The following TDP1 variants were observed in gnomAD, a reference collection of about 807,000 sequenced individuals.
The protein encoded by TDP1 is tyr-DNA phosphodiesterase 1.
In TDP1, 64 loss-of-function variants were observed where a neutral mutation model predicts 81.5. That is an observed-to-expected ratio of 0.79 (90% CI 0.64 to 0.97). TDP1 has a LOEUF of 0.97. Among genes scored for constraint, TDP1 ranks in the 50% least tolerant of loss-of-function variants. The pLI is 0.00. For synonymous variants in TDP1, 256 were observed against 264.3 expected (o/e 0.97, Z 0.30); for missense variants, 723 against 743.8 (o/e 0.97, Z 0.33).
chr14:90,043,420 CTG>C lies in TDP1; in HGVS notation c.*278_*279del. 1.9e-6 allele frequency: 1 copy of C among 529,666 alleles called. No homozygotes were observed. The highest frequency in any genetic ancestry group is 3.4e-6 in the Non-Finnish European group (1 of 295,394). The allele number at this position is 529,666 out of a possible 1,614,324, so 32.8% of individuals were successfully genotyped here. ...TACGTACTGCTTGAGTATCCCCTGT[CTG>C]AAATGCTTGGGACCAGAAGTGTTTC... On this transcript the variant is annotated 3_prime_UTR_variant, in exon 17 of 17. Coordinates refer to ENST00000335725, the MANE Select transcript of TDP1 (RefSeq NM_018319.4).
intron 15 of TDP1, among the ~76,000 whole-genome samples, chr14:90,026,808 C>A (rs1184790228): frequency 2.6e-5 from 4 of 152,206 alleles, no homozygotes; most frequent in Non-Finnish European, 5.9e-5. Flanking sequence ...TTTATGGCTG[C>A]ATAGTATTCC....
At chr14:90,003,098 C>T (rs1277286358) in intron 14 of TDP1, among the ~76,000 whole-genome samples, 2 of 152,028 alleles carry the variant, frequency 1.3e-5, no homozygotes, top group Non-Finnish European at 2.9e-5. Flanking sequence ...CCACCATGCC[C>T]AGCTAATTTT....
At position 89,984,516 on chromosome 14, in the gene TDP1, A is replaced by G; in HGVS notation, c.885A>G (p.Gly295=). The G allele has an allele frequency of 6.2e-7, 1 of 1,614,052 alleles. No homozygotes were observed. The highest frequency in any genetic ancestry group is 8.5e-7 in the Non-Finnish European group (1 of 1,180,008). ...TTAAAGGTTATTTTTTTAATTCCAG[A>G]ATATGGTTGAGCCCCTTATACCCAC... ...IHADWHQKTQ[G]IWLSPLYPRI... Residue 295 remains glycine, a splice_region_variant and synonymous_variant, in exon 9 of 17, where the codon GGA becomes GGG. Coordinates refer to ENST00000335725, the MANE Select transcript of TDP1 (RefSeq NM_018319.4).
chr14:90,020,906 C>G (rs1346085743), intron 15 of TDP1, among the ~76,000 whole-genome samples: 5 of 150,632 alleles, frequency 3.3e-5, no homozygotes, highest in Non-Finnish European at 7.4e-5. Context: ...AGTGATTTTC[C>G]TGCATCAGCC....
At chr14:90,019,272 G>A (rs751350560) in intron 14 of TDP1, 44 bp from the exon 15 acceptor site, 4 of 1,399,908 alleles carry the variant, frequency 2.9e-6, no homozygotes, top group Non-Finnish European at 4.1e-6. Context: ...CCCACACTGA[G>A]ATGCCTCCCT....
At chr14:89,964,875 A>G (rs1157005157) in intron 3 of TDP1, 2 of 447,118 alleles carry the variant, frequency 4.5e-6, no homozygotes, top group African/African-American at 4.0e-5. Context: ...TAGATGTTAC[A>G]ATCGTATTCC....
chr14:89,981,731 G>A (rs1894996682), intron 8 of TDP1, among the ~76,000 whole-genome samples: 1 of 151,996 alleles, frequency 6.6e-6, no homozygotes, highest in Non-Finnish European at 1.5e-5. Context: ...TGTCACCCAG[G>A]TTACAATGCT....
intron 15 of TDP1, among the ~76,000 whole-genome samples, chr14:90,022,287 TGGAA>T (rs1428581263): frequency 6.6e-6 from 1 of 152,182 alleles, no homozygotes; most frequent in Non-Finnish European, 1.5e-5. Context: ...AGCCCACAGA[TGGAA>T]GGAGTTTACT....
intron 16 of TDP1, chr14:90,033,462 C>A: frequency 1.9e-6 from 1 of 537,316 alleles, no homozygotes; most frequent in South Asian, 1.8e-5. Flanking sequence ...GCTGATAAAC[C>A]CCTCATGAAT....
intron 12 of TDP1, among the ~76,000 whole-genome samples, chr14:89,990,957 G>A (rs1001829682): frequency 6.6e-6 from 1 of 152,094 alleles, no homozygotes; most frequent in African/African-American, 2.4e-5. Context: ...TATTCTCTTT[G>A]CAAGAATAAG....
chr14:90,041,707 C>G (rs1339173080), intron 16 of TDP1, among the ~76,000 whole-genome samples: 2 of 152,218 alleles, frequency 1.3e-5, no homozygotes, highest in African/African-American at 4.8e-5. Flanking sequence ...TGAAGTTTCT[C>G]TAACACTTAC....
chr14:89,967,158 C>T, intron 4 of TDP1: 1 of 974,936 alleles, frequency 1.0e-6, no homozygotes, highest in Non-Finnish European at 1.2e-6. Flanking sequence ...ATCTCATGTA[C>T]TTGGCTCCAT....
chr14:89,963,187 C>A lies in TDP1; in HGVS notation c.73C>A (p.Pro25Thr), dbSNP rs1355409698. Residue 25 changes from proline to threonine, a missense_variant, in exon 3 of 17, where the codon CCA becomes ACA. Coordinates refer to ENST00000335725, the MANE Select transcript of TDP1 (RefSeq NM_018319.4). ...SDESEEEKPK[P>T]DKPSTSSLLC... ...TGAAAGTGAGGAAGAAAAGCCAAAACCAGACAAGCCATCTACCTCTTCTCT... is the reference window on the plus strand; with the variant it reads ...TGAAAGTGAGGAAGAAAAGCCAAAAACAGACAAGCCATCTACCTCTTCTCT... 6 of 1,614,110 alleles carry A rather than the reference C, an allele frequency of 3.7e-6. No individual in the cohort carries two copies. Among genetic ancestry groups the A allele is most frequent in the Non-Finnish European group, 5.1e-6 (6 of 1,180,020 alleles).
chr14:90,024,170 T>G (rs1199607347), intron 15 of TDP1, among the ~76,000 whole-genome samples: 2 of 152,160 alleles, frequency 1.3e-5, no homozygotes, highest in Non-Finnish European at 2.9e-5. Context: ...TAGCAGGGCT[T>G]CTTTTCCCCT....
chr14:89,968,108 A>G (rs754272046), intron 5 of TDP1, among the ~76,000 whole-genome samples: 6 of 151,856 alleles, frequency 4.0e-5, no homozygotes, highest in Non-Finnish European at 5.9e-5. Context: ...CTTTGACATT[A>G]ACAGTAGATA....
intron 14 of TDP1, among the ~76,000 whole-genome samples, chr14:90,000,384 T>C (rs1343661109): frequency 1.3e-5 from 2 of 152,216 alleles, no homozygotes; most frequent in African/African-American, 2.4e-5. Flanking sequence ...CTTTCGATTC[T>C]GCTTTCCACA....
intron 16 of TDP1, among the ~76,000 whole-genome samples, chr14:90,036,619 A>G (rs973499179): frequency 6.6e-5 from 10 of 152,218 alleles, no homozygotes; most frequent in African/African-American, 2.2e-4. Flanking sequence ...GTTACTGTTT[A>G]TTCATTCTCT....
In TDP1 at chr14:90,042,145, C is replaced by A. The variant is rs35136030; in HGVS notation, c.1754-925C>A. 1.1e-3 allele frequency among the ~76,000 whole-genome samples: 162 copies of A among 152,246 alleles called. 1 individual carries two copies. Among genetic ancestry groups the A allele is most frequent in the African/African-American group, 3.8e-3 (156 of 41,536 alleles). On this transcript the variant is annotated intron_variant, in intron 16 of 16. Transcript: ENST00000335725. ...TGGTCTACAGTTATTTATACAGAGG[C>A]CTTCATGTTTCATCAATTATTAACC...
chr14:89,980,761 G>T, intron 8 of TDP1, 129 bp downstream of exon 8: 1 of 789,658 alleles, frequency 1.3e-6, no homozygotes, highest in Non-Finnish European at 2.1e-6. Context: ...CCTAGAAAAA[G>T]AGTTGTATGC....
Sources: gnomAD v4.1 joint callset for allele counts (sites outside exome capture counted in the v4.1 genomes callset) on GRCh38, gnomAD v4.1.1 for gene constraint, MANE v1.5 for transcripts, NCBI Gene and HGNC (gene_info 2026-07-23, HGNC 2026-07-21) for gene names.